Variants in TSPAN14 observed in about 807,000 individuals in gnomAD.
The protein encoded by TSPAN14 is tetraspanin 14, also known as tetraspanin-14.
A neutral mutation model predicts 36.6 loss-of-function variants in TSPAN14; 16 were observed. The observed-to-expected ratio is 0.44, with a 90% CI of 0.30 to 0.66. The LOEUF (loss-of-function observed/expected upper bound fraction) is 0.66. Among genes scored for constraint, TSPAN14 ranks in the 30% least tolerant of loss-of-function variants. The pLI, the probability that TSPAN14 is intolerant of heterozygous loss-of-function variation, is 0.12. For synonymous variants in TSPAN14, 139 were observed against 143.8 expected (o/e 0.97, Z 0.24); for missense variants, 231 against 355.1 (o/e 0.65, Z 2.81).
chr10:80,512,030 C>G, intron 5 of TSPAN14, 114 bp from the exon 6 acceptor site: 1 of 1,523,648 alleles, frequency 6.6e-7, no homozygotes, highest in Non-Finnish European at 8.9e-7. Flanking sequence ...CTTGATTTCT[C>G]TGCATGGTAG....
intron 1 of TSPAN14, among the ~76,000 whole-genome samples, chr10:80,460,474 G>A (rs932885497): frequency 6.6e-6 from 1 of 152,186 alleles, no homozygotes; most frequent in South Asian, 2.1e-4. Flanking sequence ...ATAAAGTTTG[G>A]TGAGGGACAG....
chr10:80,517,997 G>A (rs370735521), exon 9 of TSPAN14: 40 of 1,553,664 alleles, frequency 2.6e-5, no homozygotes, highest in South Asian at 1.9e-4. Flanking sequence ...TGAGGGAGCC[G>A]AGCTGAGCCA....
At chr10:80,506,841 T>G (rs1840331115) in intron 3 of TSPAN14, among the ~76,000 whole-genome samples, 2 of 152,302 alleles carry the variant, frequency 1.3e-5, no homozygotes, top group South Asian at 4.1e-4. Flanking sequence ...AGAGTAGTGT[T>G]CTTCATTAAT....
At chr10:80,516,545 T>C (rs2132068750) in intron 8 of TSPAN14, among the ~76,000 whole-genome samples, 3 of 152,296 alleles carry the variant, frequency 2.0e-5, no homozygotes, top group Middle Eastern at 3.4e-3. Flanking sequence ...AGGGGGGCCC[T>C]CTGGGCGGGG....
intron 1 of TSPAN14, among the ~76,000 whole-genome samples, chr10:80,475,438 C>T (rs1294211538): frequency 6.6e-6 from 1 of 152,118 alleles, no homozygotes; most frequent in African/African-American, 2.4e-5. Flanking sequence ...TGGTGGTACA[C>T]ACCTGTGGTC....
chr10:80,468,106 C>T (rs772666272), intron 1 of TSPAN14, among the ~76,000 whole-genome samples: 16 of 152,102 alleles, frequency 1.1e-4, no homozygotes, highest in Admixed American at 1.3e-4. Context: ...TGTTCTTTTC[C>T]TGGTGACCTT....
chr10:80,496,718 CT>C (rs200947474), intron 2 of TSPAN14, among the ~76,000 whole-genome samples: 4,367 of 152,114 alleles, frequency 0.029, 108 homozygotes, highest in South Asian at 0.14. Context: ...CTTTACTGAT[CT>C]TTTCTTCCAT....
chr10:80,517,058 A>G (rs554874937), intron 8 of TSPAN14, among the ~76,000 whole-genome samples: 8 of 152,194 alleles, frequency 5.3e-5, no homozygotes, highest in Non-Finnish European at 7.3e-5. Context: ...AGGGCTTCCA[A>G]GAAGCCGCAG....
intron 5 of TSPAN14, among the ~76,000 whole-genome samples, chr10:80,510,923 C>T (rs571168935): frequency 7.2e-5 from 11 of 152,156 alleles, no homozygotes; most frequent in African/African-American, 2.2e-4. Flanking sequence ...CAAAACTTCC[C>T]AGGGGAGGGA....
intron 2 of TSPAN14, among the ~76,000 whole-genome samples, chr10:80,499,328 G>A (rs1278304056): frequency 6.6e-6 from 1 of 152,160 alleles, no homozygotes; most frequent in African/African-American, 2.4e-5. Context: ...AGGACCTCCT[G>A]CCTTTCGCAA....
intron 1 of TSPAN14, among the ~76,000 whole-genome samples, chr10:80,467,758 C>G (rs1011630630): frequency 6.6e-6 from 1 of 152,122 alleles, no homozygotes; most frequent in Non-Finnish European, 1.5e-5. Context: ...ACCGAGCCAC[C>G]CTGAGCCCAA....
At chr10:80,454,409 C>T (rs1845633052) in intron 1 of TSPAN14, 38 bp downstream of exon 1, 1 of 152,450 alleles carries the variant, frequency 6.6e-6, no homozygotes, top group Admixed American at 6.6e-5. Flanking sequence ...GGCGTCGGGC[C>T]CTGCCCCTTT....
At chr10:80,456,469 G>A (rs1035560172) in intron 1 of TSPAN14, among the ~76,000 whole-genome samples, 2 of 152,216 alleles carry the variant, frequency 1.3e-5, no homozygotes, top group Non-Finnish European at 2.9e-5. Context: ...TGAAGGTTGT[G>A]GCGGCAGTGA....
At chr10:80,490,584 G>T (rs904605880) in intron 2 of TSPAN14, among the ~76,000 whole-genome samples, 5 of 152,210 alleles carry the variant, frequency 3.3e-5, no homozygotes, top group African/African-American at 1.2e-4. Context: ...CAAAGTGGAG[G>T]TTGTTGATGT....
intron 2 of TSPAN14, among the ~76,000 whole-genome samples, chr10:80,496,882 C>T (rs1848224413): frequency 6.6e-6 from 1 of 151,990 alleles, no homozygotes; most frequent in Non-Finnish European, 1.5e-5. Flanking sequence ...AACATATTTG[C>T]AATACTTGTT....
intron 1 of TSPAN14, among the ~76,000 whole-genome samples, chr10:80,484,954 A>T (rs1274068597): frequency 6.6e-6 from 1 of 152,316 alleles, no homozygotes. Context: ...TTATCTCACT[A>T]CTGTTAAACA....
At chr10:80,488,479 T>TGG (rs1847747313) in intron 1 of TSPAN14, among the ~76,000 whole-genome samples, 1 of 152,042 alleles carries the variant, frequency 6.6e-6, no homozygotes, top group African/African-American at 2.4e-5. Context: ...CCAAGCTTCA[T>TGG]TACAGCCCTG....
chr10:80,499,491 A>G (rs1848376670), intron 2 of TSPAN14, among the ~76,000 whole-genome samples: 1 of 152,042 alleles, frequency 6.6e-6, no homozygotes, highest in African/African-American at 2.4e-5. Flanking sequence ...CACAACCCCA[A>G]AGCCCCCCTG....
At chr10:80,477,593 G>T (rs1183104232) in intron 1 of TSPAN14, among the ~76,000 whole-genome samples, 2 of 152,126 alleles carry the variant, frequency 1.3e-5, no homozygotes, top group Non-Finnish European at 2.9e-5. Context: ...TTTTGTGGGG[G>T]GAGGGGAACG....
Sources: gnomAD v4.1 joint callset for allele counts (sites outside exome capture counted in the v4.1 genomes callset) on GRCh38, gnomAD v4.1.1 for gene constraint, MANE v1.5 for transcripts, NCBI Gene and HGNC (gene_info 2026-07-23, HGNC 2026-07-21) for gene names.